CDH11: variants seen among roughly 807,000 people sequenced by gnomAD.
CDH11 encodes the protein cadherin 11, also known as cadherin-11.
Under a neutral mutation model 67.8 loss-of-function variants are expected in CDH11, and 11 were observed. The ratio of observed to expected loss-of-function variants is 0.16; its 90% CI spans 0.10 to 0.27. The LOEUF (loss-of-function observed/expected upper bound fraction) is 0.27, where lower values mean the gene tolerates loss of function less well. Ranked by LOEUF, CDH11 falls within the 10% of genes least tolerant of loss-of-function variation. The pLI, the probability that CDH11 is intolerant of heterozygous loss-of-function variation, is 1.00. For missense variants in CDH11, 847 were observed against 1,031.2 expected, an observed-to-expected ratio of 0.82 and a Z score of 2.45; for synonymous variants, 419 against 400.0, an observed-to-expected ratio of 1.05 and a Z score of -0.57.
chr16:64,945,937 T>C lies in CDH11; in HGVS notation c.*1666A>G. 2.8e-6 allele frequency: 3 copies of C among 1,058,860 alleles called. No individual in the cohort carries two copies. Among genetic ancestry groups the C allele is most frequent in the Non-Finnish European group, 3.4e-6 (3 of 875,288 alleles). The allele number at this position is 1,058,860 out of a possible 1,614,324, so 65.6% of individuals were successfully genotyped here. ...GGAAAGCACTTGCAGTGTGACTTTA[T>C]GTGGTCTTTCCCCAAGTATTGCTAC... On this transcript the variant is annotated 3_prime_UTR_variant, in exon 13 of 13. Coordinates refer to ENST00000268603, the MANE Select transcript of CDH11 (RefSeq NM_001797.4).
intron 8 of CDH11, among the ~76,000 whole-genome samples, chr16:64,978,332 T>G (rs2072236559): frequency 6.6e-6 from 1 of 152,252 alleles, no homozygotes; most frequent in South Asian, 2.1e-4. Flanking sequence ...AAACTTGTTC[T>G]GCAAGGGCCA....
intron 11 of CDH11, among the ~76,000 whole-genome samples, chr16:64,957,740 T>A (rs1168122363): frequency 2.0e-5 from 3 of 152,026 alleles, no homozygotes; most frequent in Non-Finnish European, 4.4e-5. Context: ...TAAGCTTCAA[T>A]AATTTCAGAA....
At chr16:65,117,855 G>A (rs1190779410) in intron 1 of CDH11, among the ~76,000 whole-genome samples, 1 of 152,132 alleles carries the variant, frequency 6.6e-6, no homozygotes, top group Admixed American at 6.5e-5. Flanking sequence ...CACTGTCTCA[G>A]TGAGAGCTGA....
intron 1 of CDH11, among the ~76,000 whole-genome samples, chr16:65,062,516 C>G (rs989040050): frequency 6.6e-6 from 1 of 152,190 alleles, no homozygotes; most frequent in Non-Finnish European, 1.5e-5. Context: ...AGAGTTCCCT[C>G]TGGGGCCATT....
chr16:65,079,143 G>A (rs1438506625), intron 1 of CDH11, among the ~76,000 whole-genome samples: 1 of 152,094 alleles, frequency 6.6e-6, no homozygotes, highest in Non-Finnish European at 1.5e-5. Context: ...GGGACACAAT[G>A]GCATATACAA....
chr16:65,022,949 C>T, intron 2 of CDH11, among the ~76,000 whole-genome samples: 1 of 152,156 alleles, frequency 6.6e-6, no homozygotes, highest in East Asian at 1.9e-4. Flanking sequence ...CCTCATACAG[C>T]CAAATGACCT....
intron 2 of CDH11, among the ~76,000 whole-genome samples, chr16:65,050,458 G>GCCTGT (rs1387791249): frequency 1.3e-5 from 2 of 152,180 alleles, no homozygotes; most frequent in Admixed American, 6.5e-5. Context: ...TTTGTGGCAT[G>GCCTGT]TCATAGGTGC....
intron 1 of CDH11, among the ~76,000 whole-genome samples, chr16:65,110,762 TG>T (rs1020069463): frequency 1.3e-5 from 2 of 152,066 alleles, no homozygotes; most frequent in African/African-American, 4.8e-5. Flanking sequence ...ATCAACTCTC[TG>T]GCCCTTTAAG....
intron 2 of CDH11, among the ~76,000 whole-genome samples, chr16:65,022,419 G>A (rs563166512): frequency 1.4e-4 from 21 of 152,128 alleles, no homozygotes; most frequent in Non-Finnish European, 2.8e-4. Context: ...TTGCTAATCT[G>A]AATTTGCTCC....
At chr16:65,075,181 G>A (rs1324299031) in intron 1 of CDH11, among the ~76,000 whole-genome samples, 1 of 152,212 alleles carries the variant, frequency 6.6e-6, no homozygotes, top group Non-Finnish European at 1.5e-5. Context: ...GGGAAAAATG[G>A]GGGGAAAGTA....
At chr16:64,949,980 C>T (rs1209246679) in intron 12 of CDH11, among the ~76,000 whole-genome samples, 1 of 152,050 alleles carries the variant, frequency 6.6e-6, no homozygotes, top group Non-Finnish European at 1.5e-5. Context: ...TGAATTCATT[C>T]GAGGTAGGAC....
chr16:64,945,149 T>A lies in CDH11; in HGVS notation c.*2454A>T, dbSNP rs1329259890. The A allele has an allele frequency of 5.1e-6, 1 of 196,538 alleles. No homozygotes were observed. Among genetic ancestry groups the A allele is most frequent in the Non-Finnish European group, 1.1e-5 (1 of 94,978 alleles). The allele number at this position is 196,538 out of a possible 1,614,324, so 12.2% of individuals were successfully genotyped here. A position where few individuals can be genotyped will look rare whatever the true frequency, so the allele number is the denominator to read the frequency against. ...ATAGATGGTATAAAACAGTGATTAC[T>A]TTAGAATAAGGAAGGACCGTTTAAA... On this transcript the variant is annotated 3_prime_UTR_variant, in exon 13 of 13. Coordinates refer to ENST00000268603, the MANE Select transcript of CDH11 (RefSeq NM_001797.4).
chr16:64,950,710 A>G lies in CDH11; in HGVS notation c.1894+57T>C, dbSNP rs981447409. 7 of 1,583,124 alleles carry G rather than the reference A, an allele frequency of 4.4e-6. No homozygotes were observed. In the African/African-American group the frequency reaches 6.8e-5, roughly 15 times the overall value. On this transcript the variant is annotated intron_variant, in intron 12 of 12. Transcript: ENST00000268603. ...CCTGTATTTGAGAAGCATGTGTTTC[A>G]AGGAGGGGCATCCGGTTGCCTGGCC...
In CDH11 at chr16:65,005,124, G is replaced by A; in HGVS notation, c.-172-83C>T. On this transcript the variant is annotated intron_variant, in intron 2 of 12. Coordinates refer to ENST00000268603, the MANE Select transcript of CDH11 (RefSeq NM_001797.4). Reference sequence around the variant, plus strand: ...CCTTTCAGTAAGCCTTCAGGACTGGGCATGAGTTTATCACGTGGGAGCTAC... The same window carrying A: ...CCTTTCAGTAAGCCTTCAGGACTGGACATGAGTTTATCACGTGGGAGCTAC... 4 of 1,226,512 alleles carry A rather than the reference G, an allele frequency of 3.3e-6. No individual in the cohort carries two copies. The South Asian group carries it at 1.1e-4, about 33-fold the overall frequency. The allele number at this position is 1,226,512 out of a possible 1,614,324, so 76.0% of individuals were successfully genotyped here.
intron 6 of CDH11, among the ~76,000 whole-genome samples, chr16:64,989,322 TGTGA>T (rs2072571287): frequency 6.6e-6 from 1 of 152,054 alleles, no homozygotes; most frequent in Non-Finnish European, 1.5e-5. Context: ...GTGAGCTATT[TGTGA>T]GTGAGTTTGT....
chr16:65,089,116 T>C (rs886716285), intron 1 of CDH11, among the ~76,000 whole-genome samples: 1 of 152,156 alleles, frequency 6.6e-6, no homozygotes, highest in Admixed American at 6.5e-5. Flanking sequence ...GGTAATATGC[T>C]GTTCAAATAT....
At chr16:65,078,406 G>C (rs1392332576) in intron 1 of CDH11, among the ~76,000 whole-genome samples, 1 of 152,148 alleles carries the variant, frequency 6.6e-6, no homozygotes, top group South Asian at 2.1e-4. Context: ...TATCCCCGTA[G>C]TGACAGGAAA....
At chr16:64,973,164 C>A in intron 8 of CDH11, 124 bp from the exon 9 acceptor site, 1 of 979,016 alleles carries the variant, frequency 1.0e-6, no homozygotes. Context: ...GATTTTCTTT[C>A]TAATCAAATT....
chr16:65,089,862 T>C lies in CDH11; in HGVS notation c.-298+32018A>G, dbSNP rs150848702. ...CATATGCTGTGTTGCACTGTGAAAA[T>C]GTTTAGCATATGCCATTAGAGCCAA... On this transcript the variant is annotated intron_variant, in intron 1 of 12. Transcript: ENST00000268603. Among the ~76,000 whole-genome samples, 3 of 152,270 alleles carry C rather than the reference T, an allele frequency of 2.0e-5. No individual in the cohort carries two copies. In the East Asian group the frequency reaches 5.8e-4, roughly 29 times the overall value.
Sources: allele counts gnomAD v4.1 joint callset (sites outside exome capture counted in the v4.1 genomes callset), GRCh38; gene constraint gnomAD v4.1.1; transcripts MANE v1.5; gene names NCBI Gene and HGNC (gene_info 2026-07-23, HGNC 2026-07-21).